Variants in SEMA6A observed in about 807,000 individuals in gnomAD.
The protein encoded by SEMA6A is semaphorin-6A.
Under a neutral mutation model 96.8 loss-of-function variants are expected in SEMA6A, and 25 were observed. That is an observed-to-expected ratio of 0.26 (90% confidence interval 0.19 to 0.36). The LOEUF is 0.36. Among genes scored for constraint, SEMA6A ranks in the 10% least tolerant of loss-of-function variants. SEMA6A has a pLI of 1.00. For missense variants in SEMA6A, 1,363 were observed against 1,323.1 expected (o/e 1.03, Z -0.47); for synonymous variants, 612 against 518.0 (o/e 1.18, Z -2.46).
intron 18 of SEMA6A, among the ~76,000 whole-genome samples, chr5:116,462,974 T>G (rs578175455): frequency 6.6e-6 from 1 of 152,282 alleles, no homozygotes; most frequent in South Asian, 2.1e-4. Flanking sequence ...AAAGGGAAAC[T>G]TGATATCATT....
chr5:116,531,272 C>T (rs1296666882), intron 1 of SEMA6A, among the ~76,000 whole-genome samples: 1 of 152,152 alleles, frequency 6.6e-6, no homozygotes, highest in East Asian at 1.9e-4. Context: ...AATCTCTACA[C>T]AGTTCTGCAG....
chr5:116,487,352 CTA>C (rs965977477), intron 9 of SEMA6A: 2 of 186,574 alleles, frequency 1.1e-5, no homozygotes, highest in South Asian at 2.1e-4. Context: ...CCCTGGCATT[CTA>C]TGTTACCCTC....
intron 1 of SEMA6A, among the ~76,000 whole-genome samples, chr5:116,549,648 C>T (rs1453742535): frequency 1.3e-5 from 2 of 152,158 alleles, no homozygotes; most frequent in African/African-American, 2.4e-5. Context: ...TCTCTTCTAA[C>T]AAGGCATACA....
rs768631463 is a variant in SEMA6A at position 116,491,815 on chromosome 5, G to T, written c.460C>A (p.Pro154Thr). 3 of 1,612,594 alleles carry T rather than the reference G, an allele frequency of 1.9e-6. No individual in the cohort carries two copies. Among genetic ancestry groups the T allele is most frequent in the African/African-American group, 1.3e-5 (1 of 74,964 alleles). ...ATTCCGCTGAATTCATCCCCGAATG[G>T]TTCCAATGTATCCATCTAAATGAAA... is the stretch of plus-strand genomic sequence containing the variant. ...CRNYKMDTLE[P>T]FGDEFSGMAR... Residue 154 changes from proline (P) to threonine (T), a missense_variant, in exon 7 of 19, where the codon CCA becomes ACA. Physicochemically the swap from Pro to Thr is conservative, Grantham distance 38. Transcript: ENST00000343348.
At chr5:116,552,992 C>A (rs173836) in intron 1 of SEMA6A, among the ~76,000 whole-genome samples, 66,991 of 152,048 alleles carry the variant, frequency 0.44, 17,459 homozygotes, top group East Asian at 0.63. Context: ...CTCTAGGGAG[C>A]ATTCGCTCAT....
chr5:116,559,367 G>A (rs1760724921), intron 1 of SEMA6A, among the ~76,000 whole-genome samples: 1 of 152,146 alleles, frequency 6.6e-6, no homozygotes, highest in Admixed American at 6.5e-5. Context: ...ACAGCTGGCC[G>A]GAAGACAGGT....
At chr5:116,482,636 A>G (rs529465066) in intron 10 of SEMA6A, 61 bp from the exon 11 acceptor site, 492 of 1,575,562 alleles carry the variant, frequency 3.1e-4, no homozygotes, top group Non-Finnish European at 4.0e-4. Context: ...GTGGTTTGGA[A>G]CATACTCCAG....
intron 1 of SEMA6A, among the ~76,000 whole-genome samples, chr5:116,565,023 T>G (rs1177749475): frequency 6.6e-6 from 1 of 152,244 alleles, no homozygotes; most frequent in East Asian, 1.9e-4. Flanking sequence ...AGCAAAGTCA[T>G]GAATGGCCTC....
chr5:116,565,664 A>C (rs1244690722), intron 1 of SEMA6A, among the ~76,000 whole-genome samples: 2 of 152,244 alleles, frequency 1.3e-5, no homozygotes, highest in Non-Finnish European at 2.9e-5. Context: ...AAAATAGTGA[A>C]AGGCTTAATA....
chr5:116,475,518 T>C, intron 16 of SEMA6A, 27 bp downstream of exon 16: 4 of 1,543,806 alleles, frequency 2.6e-6, no homozygotes, highest in South Asian at 1.2e-5. Context: ...TGCCCAAAGA[T>C]AAAAATGGAT....
intron 1 of SEMA6A, 64 bp from the exon 2 acceptor site, chr5:116,505,046 T>A: frequency 1.4e-6 from 1 of 696,672 alleles, no homozygotes. Context: ...TAAAATGAAA[T>A]ACCCTGAAAG....
chr5:116,535,623 C>G (rs932602615), intron 1 of SEMA6A, among the ~76,000 whole-genome samples: 1 of 152,140 alleles, frequency 6.6e-6, no homozygotes. Context: ...TAATTCCATG[C>G]GGTCCTGACA....
intron 1 of SEMA6A, among the ~76,000 whole-genome samples, chr5:116,557,989 T>C (rs926184057): frequency 6.6e-6 from 1 of 152,250 alleles, no homozygotes; most frequent in African/African-American, 2.4e-5. Context: ...AACTCAAATA[T>C]GGTGTCCCAA....
intron 1 of SEMA6A, among the ~76,000 whole-genome samples, chr5:116,529,280 G>T (rs1759360904): frequency 6.6e-6 from 1 of 152,170 alleles, no homozygotes; most frequent in African/African-American, 2.4e-5. Flanking sequence ...TTGGTTAACA[G>T]ATACAAAAGT....
intron 3 of SEMA6A, 82 bp from the exon 4 acceptor site, chr5:116,497,469 A>C: frequency 1.3e-6 from 1 of 790,102 alleles, no homozygotes; most frequent in Non-Finnish European, 2.1e-6. Context: ...ATGTCTTATC[A>C]GGGCAGATAA....
At chr5:116,536,938 C>T (rs915397101) in intron 1 of SEMA6A, among the ~76,000 whole-genome samples, 1 of 143,240 alleles carries the variant, frequency 7.0e-6, no homozygotes, top group East Asian at 2.2e-4. Context: ...CAGCACTTTG[C>T]TGACTCCAAG....
Position 116,446,482 on chromosome 5 carries a change from A to G in SEMA6A, c.*131T>C. The G allele has an allele frequency of 1.3e-6, 1 of 763,858 alleles. No individual in the cohort carries two copies. The highest frequency in any genetic ancestry group is 2.0e-6 in the Non-Finnish European group (1 of 501,436). The allele number at this position is 763,858 out of a possible 1,614,324, so 47.3% of individuals were successfully genotyped here. ...GTACCCCTGTGTCCCAGAGAGGAGGACCCAGCGTCCTCGGCTCTGCCGCAG... is the reference window on the plus strand; with the variant it reads ...GTACCCCTGTGTCCCAGAGAGGAGGGCCCAGCGTCCTCGGCTCTGCCGCAG... On this transcript the variant is annotated 3_prime_UTR_variant, in exon 19 of 19. Transcript: ENST00000343348.
intron 1 of SEMA6A, among the ~76,000 whole-genome samples, chr5:116,525,723 C>G (rs1019170615): frequency 6.6e-6 from 1 of 152,084 alleles, no homozygotes; most frequent in Admixed American, 6.5e-5. Context: ...AGTACCGTGC[C>G]AATGTAAAAA....
chr5:116,541,555 G>A (rs254222), intron 1 of SEMA6A, among the ~76,000 whole-genome samples: 12,716 of 152,208 alleles, frequency 0.084, 734 homozygotes, highest in Non-Finnish European at 0.13. Flanking sequence ...AGAGCAGGCC[G>A]GGTGCAGTGG....
Sources: gnomAD v4.1 joint callset for allele counts (sites outside exome capture counted in the v4.1 genomes callset) on GRCh38, gnomAD v4.1.1 for gene constraint, MANE v1.5 for transcripts, NCBI Gene and HGNC (gene_info 2026-07-23, HGNC 2026-07-21) for gene names.